The following IGSF21 variants were observed in gnomAD, a reference collection of about 807,000 sequenced individuals.
IGSF21 encodes immunoglobin superfamily member 21, also known as immunoglobulin superfamily member 21.
In IGSF21, 28 loss-of-function variants were observed where a neutral mutation model predicts 46.8. That is an observed-to-expected ratio of 0.60 (90% CI 0.44 to 0.82). The LOEUF (loss-of-function observed/expected upper bound fraction) is 0.82. Among genes scored for constraint, IGSF21 ranks in the 40% least tolerant of loss-of-function variants. IGSF21 has a pLI of 0.00. For missense variants in IGSF21, 624 were observed against 665.5 expected (o/e 0.94, Z 0.69); for synonymous variants, 284 against 273.6 (o/e 1.04, Z -0.38).
intron 1 of IGSF21, among the ~76,000 whole-genome samples, chr1:18,224,467 A>C (rs2084541922): frequency 6.6e-6 from 1 of 151,428 alleles, no homozygotes; most frequent in Non-Finnish European, 1.5e-5. Context: ...CTATCACTTC[A>C]CTCTGCTTTG....
intron 1 of IGSF21, among the ~76,000 whole-genome samples, chr1:18,201,254 G>T (rs2087071371): frequency 6.6e-6 from 1 of 152,220 alleles, no homozygotes; most frequent in South Asian, 2.1e-4. Context: ...CTCCCTGGAG[G>T]TCAGGCTTTA....
intron 2 of IGSF21, among the ~76,000 whole-genome samples, chr1:18,232,902 G>T (rs1282316732): frequency 6.6e-6 from 1 of 152,162 alleles, no homozygotes; most frequent in African/African-American, 2.4e-5. Flanking sequence ...GGGGAGTGTG[G>T]GTCTTTGGAT....
rs1458024918 is a variant in IGSF21, at chr1:18,109,640, T to G, written c.70+1442T>G. On this transcript the variant is annotated intron_variant, in intron 1 of 9. Coordinates refer to ENST00000251296, the MANE Select transcript of IGSF21 (RefSeq NM_032880.5). The surrounding 1 kb of genome is among the most constrained non-coding windows in gnomAD (Gnocchi z 4.8). ...GGTCCTGACAGCGAGGGGGGAGGGGTTGGTGTAACCCAGAAGGAATGCAAA... is the reference window on the plus strand; with the variant it reads ...GGTCCTGACAGCGAGGGGGGAGGGGGTGGTGTAACCCAGAAGGAATGCAAA... 6.6e-6 allele frequency: 1 copy of G among 151,098 alleles called. No homozygotes were observed. The highest frequency in any genetic ancestry group is 2.0e-4 in the East Asian group (1 of 5,076). The allele number at this position is 151,098 out of a possible 1,614,324, so 9.4% of individuals were successfully genotyped here. A position where few individuals can be genotyped will look rare whatever the true frequency, so the allele number is the denominator to read the frequency against.
chr1:18,120,099 C>T (rs61765733), intron 1 of IGSF21, among the ~76,000 whole-genome samples: 10,835 of 152,310 alleles, frequency 0.071, 500 homozygotes, highest in Middle Eastern at 0.16. Flanking sequence ...TGGCAGGAAA[C>T]GGCAGGCTCA....
chr1:18,279,138 G>T (rs1486053687), intron 2 of IGSF21, among the ~76,000 whole-genome samples: 1 of 152,108 alleles, frequency 6.6e-6, no homozygotes, highest in Admixed American at 6.5e-5. Flanking sequence ...AGCAAGCGGG[G>T]CCCCACCTCC....
chr1:18,132,095 G>T (rs1447131215), intron 1 of IGSF21, among the ~76,000 whole-genome samples: 1 of 152,136 alleles, frequency 6.6e-6, no homozygotes, highest in African/African-American at 2.4e-5. Context: ...ATTGATCCTG[G>T]CTTATTAATT....
At chr1:18,363,880 A>C (rs990164353) in intron 5 of IGSF21, among the ~76,000 whole-genome samples, 1 of 152,138 alleles carries the variant, frequency 6.6e-6, no homozygotes, top group Non-Finnish European at 1.5e-5. Flanking sequence ...GACAAGCCTC[A>C]GTCCCTAGGA....
At chr1:18,164,947 A>G (rs1470044144) in intron 1 of IGSF21, among the ~76,000 whole-genome samples, 1 of 128,012 alleles carries the variant, frequency 7.8e-6, no homozygotes, top group Non-Finnish European at 1.5e-5. Context: ...AAGTGTTCTC[A>G]TTGTTCAATT....
intron 1 of IGSF21, among the ~76,000 whole-genome samples, chr1:18,202,569 G>A (rs1432384949): frequency 6.6e-6 from 1 of 152,030 alleles, no homozygotes; most frequent in Non-Finnish European, 1.5e-5. Context: ...TCACAGGGTG[G>A]CAGGAGAAAG....
chr1:18,260,139 T>C (rs2084932647), intron 2 of IGSF21, among the ~76,000 whole-genome samples: 1 of 152,192 alleles, frequency 6.6e-6, no homozygotes, highest in South Asian at 2.1e-4. Context: ...TTCCTCCTCA[T>C]GGCTGGAGAA....
intron 3 of IGSF21, among the ~76,000 whole-genome samples, chr1:18,313,113 G>A (rs575534857): frequency 3.9e-5 from 6 of 152,248 alleles, no homozygotes; most frequent in African/African-American, 1.2e-4. Flanking sequence ...CAGACCCGCC[G>A]GGTACCGTGC....
At chr1:18,260,975 G>A (rs2084941692) in intron 2 of IGSF21, among the ~76,000 whole-genome samples, 1 of 152,358 alleles carries the variant, frequency 6.6e-6, no homozygotes, top group African/African-American at 2.4e-5. Flanking sequence ...TGGAGCCTAG[G>A]TGAAGAGATG....
At chr1:18,165,430 G>A (rs1027864817) in intron 1 of IGSF21, among the ~76,000 whole-genome samples, 1 of 152,136 alleles carries the variant, frequency 6.6e-6, no homozygotes, top group African/African-American at 2.4e-5. Context: ...AAGGACACTA[G>A]TCAGAGCAGA....
chr1:18,258,091 A>T (rs563258189), intron 2 of IGSF21, among the ~76,000 whole-genome samples: 1 of 152,190 alleles, frequency 6.6e-6, no homozygotes, highest in Non-Finnish European at 1.5e-5. Flanking sequence ...GGCTTCTTCA[A>T]TTCCTTTGGG....
intron 4 of IGSF21, among the ~76,000 whole-genome samples, chr1:18,344,267 C>A (rs2124614777): frequency 6.6e-6 from 1 of 152,302 alleles, no homozygotes; most frequent in African/African-American, 2.4e-5. Context: ...CTCCCAGGCT[C>A]AAGCAATCCT....
rs928280813 is a variant in IGSF21 at position 18,180,305 on chromosome 1, C to T, written c.71-47593C>T. ...CCTGCCATGCAGGGTGCTCAAAAAA[C>T]CCTGAATGAATGAATGAATGAAACA... On this transcript the variant is annotated intron_variant, in intron 1 of 9. Transcript: ENST00000251296. Among the ~76,000 whole-genome samples the T allele has an allele frequency of 2.6e-5, 4 of 151,932 alleles. No individual in the cohort carries two copies. The East Asian group carries it at 7.7e-4, about 29-fold the overall frequency.
chr1:18,225,079 TCTCTCTCACA>T (rs1247768516), intron 1 of IGSF21, among the ~76,000 whole-genome samples: 3 of 33,352 alleles, frequency 9.0e-5, no homozygotes, highest in African/African-American at 1.6e-4. Flanking sequence ...TCTCTCTCTC[TCTCTCTCACA>T]CACACACACA....
chr1:18,285,076 C>T (rs1569724482), intron 2 of IGSF21, among the ~76,000 whole-genome samples: 1 of 152,152 alleles, frequency 6.6e-6, no homozygotes, highest in Non-Finnish European at 1.5e-5. Context: ...GCGGGATTGG[C>T]CCATAAGTGG....
At chr1:18,274,909 C>T (rs1242082373) in intron 2 of IGSF21, among the ~76,000 whole-genome samples, 2 of 152,140 alleles carry the variant, frequency 1.3e-5, no homozygotes, top group East Asian at 3.8e-4. Context: ...ACCTGGAATC[C>T]CAGCTACTAG....
Sources: allele counts gnomAD v4.1 joint callset (sites outside exome capture counted in the v4.1 genomes callset), GRCh38; gene constraint gnomAD v4.1.1; non-coding constraint Gnocchi (gnomAD v3.1); transcripts MANE v1.5; gene names NCBI Gene and HGNC (gene_info 2026-07-23, HGNC 2026-07-21).